OR8G5: variants seen among roughly 807,000 people sequenced by gnomAD.
The protein encoded by OR8G5 is olfactory receptor family 8 subfamily G member 5.
For synonymous variants in OR8G5, 147 were observed against 147.7 expected, an observed-to-expected ratio of 1.00 and a Z score of 0.03; for missense variants, 347 against 371.9, an observed-to-expected ratio of 0.93 and a Z score of 0.55.
Position 124,265,849 on chromosome 11 carries a change from GA to G in OR8G5, c.922del (p.Arg308GlufsTer66), listed in dbSNP as rs1451740344. ...ACGTTGCCCTGAAGAAAACGCTAGGGAAAAGAACATTCTTATGAACAGAAGT... is the reference window on the plus strand; with the variant it reads ...ACGTTGCCCTGAAGAAAACGCTAGGGAAAGAACATTCTTATGAACAGAAGT... ...VHVALKKTLG[K>X]RTFL On this transcript the variant is annotated frameshift_variant, in exon 2 of 2. Coordinates refer to ENST00000641992, the MANE Select transcript of OR8G5 (RefSeq NM_001005198.2). LOFTEE classifies it low-confidence loss of function (END_TRUNC). 5.6e-6 allele frequency: 9 copies of G among 1,611,490 alleles called. No individual in the cohort carries two copies. Among genetic ancestry groups the G allele is most frequent in the Non-Finnish European group, 7.6e-6 (9 of 1,178,664 alleles).
At chr11:124,263,017 C>T (rs1438140839) in intron 1 of OR8G5, among the ~76,000 whole-genome samples, 1 of 151,716 alleles carries the variant, frequency 6.6e-6, no homozygotes, top group Admixed American at 6.6e-5. Context: ...TTTTTCTATT[C>T]TATCATGGTT....
intron 1 of OR8G5, among the ~76,000 whole-genome samples, chr11:124,263,307 C>A (rs549314212): frequency 6.8e-6 from 1 of 147,396 alleles, no homozygotes; most frequent in East Asian, 2.0e-4. Flanking sequence ...GAAATATAAT[C>A]GAAACATTGT....
intron 1 of OR8G5, among the ~76,000 whole-genome samples, chr11:124,257,518 A>C (rs944055413): frequency 6.6e-6 from 1 of 152,134 alleles, no homozygotes; most frequent in African/African-American, 2.4e-5. Context: ...TATCTTTGGA[A>C]GCTGGATGAG....
In OR8G5 at chr11:124,265,788, A is replaced by AC. The variant is rs772622389; in HGVS notation, c.862dup (p.Leu288ProfsTer8). On this transcript the variant is annotated frameshift_variant, in exon 2 of 2. Transcript: ENST00000641992. LOFTEE classifies it low-confidence loss of function (END_TRUNC). The stretch of plus-strand genomic sequence containing the variant: ...TATACTATTGTTGTGCCCATGCTGA[A>AC]CCCCCTGATCTACAGCCTGAGGAAT... 81 of 1,614,058 alleles carry AC rather than the reference A, an allele frequency of 5.0e-5. No homozygotes were observed. The South Asian group carries it at 8.7e-4, about 17-fold the overall frequency.
chr11:124,262,796 ATATCTT>A lies in OR8G5; in HGVS notation c.-14-2118_-14-2113del, dbSNP rs540233718. On this transcript the variant is annotated intron_variant, in intron 1 of 1. Coordinates refer to ENST00000641992, the MANE Select transcript of OR8G5 (RefSeq NM_001005198.2). ...AAGGCTGCCATGTACATTTTTGTACATATCTTTATGTAGACAAATGTTTACATTTTT... is the reference window on the plus strand; with the variant it reads ...AAGGCTGCCATGTACATTTTTGTACATATGTAGACAAATGTTTACATTTTT... 1.6e-3 allele frequency among the ~76,000 whole-genome samples: 240 copies of A among 152,240 alleles called. 1 individual carries two copies. The highest frequency in any genetic ancestry group is 5.4e-3 in the African/African-American group (224 of 41,572).
chr11:124,257,581 CTTA>C (rs1296868431), intron 1 of OR8G5, among the ~76,000 whole-genome samples: 3 of 152,060 alleles, frequency 2.0e-5, no homozygotes, highest in Admixed American at 1.3e-4. Flanking sequence ...CACAGGTTGT[CTTA>C]TTATGCAGAT....
intron 1 of OR8G5, among the ~76,000 whole-genome samples, chr11:124,260,377 G>A (rs2137758088): frequency 6.6e-6 from 1 of 151,976 alleles, no homozygotes; most frequent in South Asian, 2.1e-4. Context: ...ATGTGTGGAG[G>A]AAGAGGATCA....
At position 124,265,318 on chromosome 11, in the gene OR8G5, CT is replaced by C. The variant is rs769685383; in HGVS notation, c.389del (p.Leu130CysfsTer15). On this transcript the variant is annotated frameshift_variant, in exon 2 of 2. Coordinates refer to ENST00000641992, the MANE Select transcript of OR8G5 (RefSeq NM_001005198.2). LOFTEE classifies it low-confidence loss of function (END_TRUNC). Reference protein sequence around the residue: ...YDGYVAICSPLLYSIIISNKA... With the variant: ...YDGYVAICSPXLYSIIISNKA... The stretch of plus-strand genomic sequence containing the variant: ...ACGGCTACGTGGCCATCTGTAGCCC[CT>C]TGCTGTACAGCATCATCATATCCAA... 1.3e-4 allele frequency: 210 copies of C among 1,613,904 alleles called. No individual in the cohort carries two copies. The African/African-American group carries it at 2.5e-3, about 19-fold the overall frequency.
chr11:124,263,061 C>T (rs1219688994), intron 1 of OR8G5, among the ~76,000 whole-genome samples: 1 of 151,928 alleles, frequency 6.6e-6, no homozygotes, highest in Non-Finnish European at 1.5e-5. Flanking sequence ...ATTTTCATTT[C>T]CTTGATTACT....
chr11:124,264,539 T>G (rs1404859965), intron 1 of OR8G5, among the ~76,000 whole-genome samples: 1 of 152,228 alleles, frequency 6.6e-6, no homozygotes, highest in East Asian at 1.9e-4. Flanking sequence ...TTTCAGGTTA[T>G]TAGAGGTTAC....
chr11:124,265,160 A>G lies in OR8G5; in HGVS notation c.229A>G (p.Ile77Val), dbSNP rs1862015268. 2 of 1,613,950 alleles carry G rather than the reference A, an allele frequency of 1.2e-6. No homozygotes were observed. Among genetic ancestry groups the G allele is most frequent in the Admixed American group, 1.7e-5 (1 of 59,988 alleles). Residue 77 changes from isoleucine (I) to valine (V), a missense_variant, in exon 2 of 2, where the codon ATT becomes GTT. Transcript: ENST00000641992. ...SFIDFCHSTV[I>V]TPKMLVNFVT... is the part of the protein sequence containing the mutation. ...CATTGACTTCTGCCATTCCACTGTC[A>G]TTACCCCTAAGATGCTGGTGAACTT...
rs780658466 is a variant in OR8G5 at position 124,265,202 on chromosome 11, A to G, written c.271A>G (p.Ile91Val). 42 of 1,613,944 alleles carry G rather than the reference A, an allele frequency of 2.6e-5. No individual in the cohort carries two copies. The highest frequency in any genetic ancestry group is 5.0e-5 in the Admixed American group (3 of 59,998). Residue 91 changes from isoleucine to valine, a missense_variant, in exon 2 of 2, where the codon ATC (isoleucine) becomes GTC (valine). Transcript: ENST00000641992. Reference sequence around the variant, plus strand: ...GGTGAACTTTGTGACAGAGAAGAACATCATCTCCTACCCTGAATGCATGAC... The same window carrying G: ...GGTGAACTTTGTGACAGAGAAGAACGTCATCTCCTACCCTGAATGCATGAC... Reference protein sequence around the residue: ...MLVNFVTEKNIISYPECMTQL... With the variant: ...MLVNFVTEKNVISYPECMTQL...
chr11:124,264,857 CTACAAAAGGAGAA>C, intron 1 of OR8G5, 48 bp from the exon 2 acceptor site: 1 of 1,596,130 alleles, frequency 6.3e-7, no homozygotes, highest in Admixed American at 1.7e-5. Flanking sequence ...GATCACTTTC[CTACAAAAGGAGAA>C]TAACAATACA....
At chr11:124,261,838 A>G (rs1472308198) in intron 1 of OR8G5, among the ~76,000 whole-genome samples, 1 of 151,998 alleles carries the variant, frequency 6.6e-6, no homozygotes, top group Non-Finnish European at 1.5e-5. Flanking sequence ...TATGTTTGTT[A>G]GCTACAATGA....
chr11:124,258,769 C>T (rs1216177310), intron 1 of OR8G5, among the ~76,000 whole-genome samples: 2 of 152,092 alleles, frequency 1.3e-5, no homozygotes, highest in Admixed American at 6.6e-5. Context: ...ATGCCACAGA[C>T]TTCTCTTCAT....
In OR8G5 at chr11:124,265,233, T is replaced by C; in HGVS notation, c.302T>C (p.Leu101Pro). 6.2e-7 allele frequency: 1 copy of C among 1,614,048 alleles called. No individual in the cohort carries two copies. Among genetic ancestry groups the C allele is most frequent in the Non-Finnish European group, 8.5e-7 (1 of 1,179,910 alleles). ...TCCTACCCTGAATGCATGACTCAGC[T>C]CTACTTCTTCCTCGTTTTTGCTATT... ...IISYPECMTQ[L>P]YFFLVFAIAE... is the part of the protein sequence containing the mutation. The change falls in exon 2 of 2, where the codon CTC becomes CCC. Residue 101 changes from leucine (L) to proline (P), a missense_variant. By Grantham distance (98) the Leu-to-Pro change is moderately conservative (BLOSUM62 -3). Coordinates refer to ENST00000641992, the MANE Select transcript of OR8G5 (RefSeq NM_001005198.2).
At position 124,264,992 on chromosome 11, in the gene OR8G5, TCAGAGCTA is replaced by T; in HGVS notation, c.65_72del (p.Glu22AlafsTer46). On this transcript the variant is annotated frameshift_variant, in exon 2 of 2. Transcript: ENST00000641992. LOFTEE classifies it low-confidence loss of function (END_TRUNC). ...TATTCTGGTTGGGCTAACAGAGAAG[TCAGAGCTA>T]CAGCTGCCCCTCTTCCTCGTCTTCC... 1 of 1,613,940 alleles carries T rather than the reference TCAGAGCTA, an allele frequency of 6.2e-7. No individual in the cohort carries two copies. Among genetic ancestry groups the T allele is most frequent in the African/African-American group, 1.3e-5 (1 of 75,030 alleles).
intron 1 of OR8G5, among the ~76,000 whole-genome samples, chr11:124,262,684 CACACAT>C (rs1861984546): frequency 6.6e-6 from 1 of 151,784 alleles, no homozygotes; most frequent in Non-Finnish European, 1.5e-5. Flanking sequence ...TACACACACA[CACACAT>C]ACACACACAC....
chr11:124,258,619 G>A (rs1304794808), intron 1 of OR8G5, among the ~76,000 whole-genome samples: 2 of 151,866 alleles, frequency 1.3e-5, no homozygotes, highest in Admixed American at 6.6e-5. Context: ...TAAACATAAA[G>A]TTCAAAATTT....
Sources: gnomAD v4.1 joint callset for allele counts (sites outside exome capture counted in the v4.1 genomes callset) on GRCh38, gnomAD v4.1.1 for gene constraint, MANE v1.5 for transcripts, NCBI Gene and HGNC (gene_info 2026-07-23, HGNC 2026-07-21) for gene names.